The following COL21A1 variants were observed in gnomAD, a reference collection of about 807,000 sequenced individuals.
COL21A1 encodes the protein collagen alpha-1(XXI) chain.
COL21A1 carries 149 observed loss-of-function variants against 137.9 expected under a neutral mutation model. The ratio of observed to expected loss-of-function variants is 1.08; its 90% CI spans 0.95 to 1.24. COL21A1 has a LOEUF of 1.24. COL21A1 is among the 50% of genes most tolerant of loss of function. The probability of loss-of-function intolerance (pLI) is 0.00; values close to 1 mark genes in which losing one functional copy is unlikely to be tolerated. For synonymous variants in COL21A1, 456 were observed against 391.5 expected (o/e 1.16, Z -1.95); for missense variants, 1,167 against 1,158.4 (o/e 1.01, Z -0.11).
chr6:56,241,572 C>T (rs751049637), intron 1 of COL21A1, among the ~76,000 whole-genome samples: 33 of 152,226 alleles, frequency 2.2e-4, no homozygotes, highest in Non-Finnish European at 3.8e-4. Context: ...CAAAGGCAAA[C>T]TGCCAAAGAG....
chr6:56,290,261 T>G (rs2152335429), intron 1 of COL21A1, among the ~76,000 whole-genome samples: 1 of 152,106 alleles, frequency 6.6e-6, no homozygotes, highest in East Asian at 1.9e-4. Context: ...ATTGATATTG[T>G]GGTTAGAATC....
At chr6:56,163,444 C>T (rs935276960) in intron 9 of COL21A1, among the ~76,000 whole-genome samples, 8 of 152,304 alleles carry the variant, frequency 5.3e-5, no homozygotes, top group African/African-American at 7.2e-5. Flanking sequence ...GGCGCGGTGG[C>T]TCACGCCTGT....
chr6:56,251,233 C>T (rs967200340), upstream of COL21A1, among the ~76,000 whole-genome samples: 5 of 152,176 alleles, frequency 3.3e-5, no homozygotes, highest in Non-Finnish European at 7.3e-5. Flanking sequence ...TCTTCCTCTT[C>T]TTCAAAAGAA....
At position 56,182,662 on chromosome 6, in the gene COL21A1, G is replaced by A. The variant is rs1474234632; in HGVS notation, c.-38-6C>T. 4 of 1,333,686 alleles carry A rather than the reference G, an allele frequency of 3.0e-6. No individual in the cohort carries two copies. Among genetic ancestry groups the A allele is most frequent in the South Asian group, 2.6e-5 (2 of 77,268 alleles). 82.6% of individuals were successfully genotyped at this position (1,333,686 alleles called of 1,614,324 possible). On this transcript the variant is annotated splice_region_variant and splice_polypyrimidine_tract_variant and intron_variant, in intron 1 of 29. Coordinates refer to ENST00000244728, the MANE Select transcript of COL21A1 (RefSeq NM_030820.4). ...ATATTTTGGTTTTAGGATTCCTAGG[G>A]GGAAAAAAAAGGCAAGTTAAATATA...
chr6:56,087,061 CTTTTGTTTTGTTTTGTTTTGTTTTG>C (rs58458377), intron 17 of COL21A1, among the ~76,000 whole-genome samples: 22,867 of 148,966 alleles, frequency 0.15, 1,781 homozygotes, highest in Middle Eastern at 0.23. Flanking sequence ...GTCCCTTCAC[CTTTTGTTTTGTTTTGTTTTGTTTTG>C]TTTTGTTTTG....
intron 10 of COL21A1, among the ~76,000 whole-genome samples, chr6:56,146,421 T>C (rs957706834): frequency 2.0e-5 from 3 of 152,144 alleles, no homozygotes; most frequent in African/African-American, 7.2e-5. Flanking sequence ...ATCTCTGTCA[T>C]TCTATGTATA....
At chr6:56,246,552 G>A (rs1366817654) in intron 1 of COL21A1, among the ~76,000 whole-genome samples, 6 of 151,708 alleles carry the variant, frequency 4.0e-5, no homozygotes, top group Non-Finnish European at 8.8e-5. Flanking sequence ...CTCCTCCCTT[G>A]GTGAAGGGAA....
At chr6:56,134,351 C>T (rs567864714) in intron 12 of COL21A1, among the ~76,000 whole-genome samples, 1 of 152,292 alleles carries the variant, frequency 6.6e-6, no homozygotes, top group African/African-American at 2.4e-5. Context: ...GTCAATTTCT[C>T]CCATTCGGAA....
chr6:56,124,306 A>G lies in COL21A1; in HGVS notation c.1651-14T>C. ...ACCTTTTGCACCCTGTATCGAAAAC[A>G]AACACTTAAAACACAATCTTTACAA... is the stretch of plus-strand genomic sequence containing the variant. On this transcript the variant is annotated splice_polypyrimidine_tract_variant and intron_variant, in intron 14 of 29. Transcript: ENST00000244728. The G allele has an allele frequency of 1.3e-6, 2 of 1,586,968 alleles. No individual in the cohort carries two copies. Among genetic ancestry groups the G allele is most frequent in the Non-Finnish European group, 1.7e-6 (2 of 1,165,166 alleles).
At chr6:56,347,272 A>AC (rs143555962) in intron 1 of COL21A1, among the ~76,000 whole-genome samples, 269 of 151,876 alleles carry the variant, frequency 1.8e-3, no homozygotes, top group Non-Finnish European at 3.2e-3. Flanking sequence ...CATGCCTAAG[A>AC]CCCACACCAG....
intron 1 of COL21A1, among the ~76,000 whole-genome samples, chr6:56,376,079 G>A (rs1323109428): frequency 1.3e-5 from 2 of 152,168 alleles, no homozygotes; most frequent in Non-Finnish European, 1.5e-5. Flanking sequence ...AGGAAGACTC[G>A]CTTCTGACAA....
chr6:56,123,060 G>A (rs1582416009), intron 16 of COL21A1, among the ~76,000 whole-genome samples: 1 of 152,302 alleles, frequency 6.6e-6, no homozygotes, highest in East Asian at 1.9e-4. Context: ...TGAATGCTTA[G>A]GTTGCAGGCA....
intron 1 of COL21A1, among the ~76,000 whole-genome samples, chr6:56,351,995 G>A (rs1353366504): frequency 3.3e-5 from 5 of 152,146 alleles, no homozygotes; most frequent in Middle Eastern, 3.2e-3. Flanking sequence ...ATGGCCAGGT[G>A]CAGTTGTACA....
intron 1 of COL21A1, among the ~76,000 whole-genome samples, chr6:56,278,701 T>A (rs536122543): frequency 2.6e-5 from 4 of 152,192 alleles, no homozygotes; most frequent in Non-Finnish European, 5.9e-5. Flanking sequence ...CACAATCAGA[T>A]GAAGAAAATG....
At chr6:56,125,466 G>T in intron 14 of COL21A1, 101 bp downstream of exon 14, 1 of 773,054 alleles carries the variant, frequency 1.3e-6, no homozygotes, top group South Asian at 2.0e-5. Context: ...GGTGAACAGA[G>T]CTAACTGTTC....
At chr6:56,173,538 C>A (rs1283970516) in intron 3 of COL21A1, among the ~76,000 whole-genome samples, 1 of 152,088 alleles carries the variant, frequency 6.6e-6, no homozygotes, top group African/African-American at 2.4e-5. Flanking sequence ...ATATTCCATG[C>A]AAATGGTAGC....
chr6:56,294,792 C>T (rs909431801), intron 1 of COL21A1, among the ~76,000 whole-genome samples: 10 of 151,946 alleles, frequency 6.6e-5, no homozygotes, highest in African/African-American at 2.2e-4. Flanking sequence ...GGGTCATTTG[C>T]TTTTGTATTT....
intron 1 of COL21A1, among the ~76,000 whole-genome samples, chr6:56,295,118 G>A (rs1425455108): frequency 6.6e-6 from 1 of 151,992 alleles, no homozygotes; most frequent in Non-Finnish European, 1.5e-5. Context: ...AGGGTGCAAG[G>A]TCTGTGTTTG....
intron 1 of COL21A1, among the ~76,000 whole-genome samples, chr6:56,300,864 C>A (rs748604225): frequency 1.2e-4 from 19 of 152,116 alleles, no homozygotes; most frequent in Non-Finnish European, 2.6e-4. Flanking sequence ...TTTCCTACAC[C>A]AGGACCCACC....
Sources: allele counts gnomAD v4.1 joint callset (sites outside exome capture counted in the v4.1 genomes callset), GRCh38; gene constraint gnomAD v4.1.1; transcripts MANE v1.5; gene names NCBI Gene and HGNC (gene_info 2026-07-23, HGNC 2026-07-21).